BTBD9: variants seen among roughly 807,000 people sequenced by gnomAD.
BTBD9 encodes BTB/POZ domain-containing protein 9.
Under a neutral mutation model 64.3 loss-of-function variants are expected in BTBD9, and 49 were observed. The ratio of observed to expected loss-of-function variants is 0.76; its 90% CI spans 0.61 to 0.97. The LOEUF is 0.97. Among genes scored for constraint, BTBD9 ranks in the 50% least tolerant of loss-of-function variants. The pLI is 0.00. For missense variants in BTBD9, 598 were observed against 762.1 expected (o/e 0.78, Z 2.53); for synonymous variants, 260 against 274.7 (o/e 0.95, Z 0.53).
At chr6:38,259,955 A>G (rs1764734402) in intron 8 of BTBD9, among the ~76,000 whole-genome samples, 1 of 152,194 alleles carries the variant, frequency 6.6e-6, no homozygotes, top group Admixed American at 6.5e-5. Context: ...ATTTTCTTAT[A>G]AGAACGTGAA....
At chr6:38,410,497 T>C (rs1295890343) in intron 6 of BTBD9, among the ~76,000 whole-genome samples, 1 of 152,020 alleles carries the variant, frequency 6.6e-6, no homozygotes, top group Non-Finnish European at 1.5e-5. Context: ...AAAAAAAGAA[T>C]AAAAAATAAT....
At chr6:38,288,186 G>T in intron 8 of BTBD9, 86 bp downstream of exon 8, 2 of 1,340,064 alleles carry the variant, frequency 1.5e-6, no homozygotes, top group Non-Finnish European at 1.0e-6. Context: ...CTTCACTGAA[G>T]TTATTAGGAT....
Position 38,616,937 on chromosome 6 carries a change from C to A in BTBD9, c.-27-18816G>T, listed in dbSNP as rs541783164. ...GAGACCAGGAACCCACCAGCAGGAA[C>A]AAACTCCGGACACATCTTGGGGACT... On this transcript the variant is annotated intron_variant, in intron 1 of 10. Transcript: ENST00000481247. Among the ~76,000 whole-genome samples the A allele has an allele frequency of 3.9e-5, 6 of 152,288 alleles. No homozygotes were observed. In the South Asian group the frequency reaches 1.0e-3, roughly 26 times the overall value.
At chr6:38,607,397 G>A (rs1456968181) in intron 1 of BTBD9, among the ~76,000 whole-genome samples, 2 of 152,130 alleles carry the variant, frequency 1.3e-5, no homozygotes, top group Non-Finnish European at 2.9e-5. Context: ...CATATGTGGA[G>A]CTTTGCAATG....
At chr6:38,289,261 C>T (rs868241867) in intron 7 of BTBD9, among the ~76,000 whole-genome samples, 2 of 152,054 alleles carry the variant, frequency 1.3e-5, no homozygotes, top group South Asian at 4.1e-4. Flanking sequence ...GTGGTCCCAG[C>T]GACTCGGCCT....
chr6:38,600,411 A>G (rs1052719794), intron 1 of BTBD9, among the ~76,000 whole-genome samples: 1 of 152,220 alleles, frequency 6.6e-6, no homozygotes, highest in Non-Finnish European at 1.5e-5. Context: ...GCAAAGGATC[A>G]GACTGGGAGT....
At chr6:38,459,255 G>A (rs998071076) in intron 6 of BTBD9, among the ~76,000 whole-genome samples, 3 of 152,138 alleles carry the variant, frequency 2.0e-5, no homozygotes, top group Admixed American at 1.3e-4. Flanking sequence ...CTGACCTCAG[G>A]TGATCCCCAG....
chr6:38,507,831 T>A (rs1444553034), intron 6 of BTBD9, among the ~76,000 whole-genome samples: 1 of 145,852 alleles, frequency 6.9e-6, no homozygotes, highest in Non-Finnish European at 1.5e-5. Flanking sequence ...CTCCCAAATT[T>A]TTTTTTTTTT....
chr6:38,439,049 A>G (rs1258701392), intron 6 of BTBD9, among the ~76,000 whole-genome samples: 2 of 151,698 alleles, frequency 1.3e-5, no homozygotes, highest in Non-Finnish European at 2.9e-5. Context: ...ATAGTAAGAC[A>G]GTCCAAGAGA....
intron 1 of BTBD9, among the ~76,000 whole-genome samples, chr6:38,625,077 CTA>C: frequency 6.6e-6 from 1 of 152,206 alleles, no homozygotes; most frequent in South Asian, 2.1e-4. Context: ...GTACATGACA[CTA>C]TTTCTTGAAA....
intron 6 of BTBD9, among the ~76,000 whole-genome samples, chr6:38,345,526 A>C (rs1008650890): frequency 1.3e-5 from 2 of 152,284 alleles, no homozygotes; most frequent in African/African-American, 2.4e-5. Flanking sequence ...AATCCACTGC[A>C]GATGAACACA....
In BTBD9 at chr6:38,563,973, G is replaced by A. The variant is rs541484824; in HGVS notation, c.1154+13627C>T. 2.8e-4 allele frequency among the ~76,000 whole-genome samples: 43 copies of A among 151,652 alleles called. No homozygotes were observed. The East Asian group carries it at 7.4e-3, about 26-fold the overall frequency. The stretch of plus-strand genomic sequence containing the variant: ...ACTTTTTTGTATTTTTAGTAGAGAC[G>A]GGGTTTCACCGTGTTAGCCAGGATG... On this transcript the variant is annotated intron_variant, in intron 6 of 10. Transcript: ENST00000481247.
rs551913657 is a variant in BTBD9 at position 38,279,135 on chromosome 6, A to T, written c.1454+9137T>A. The stretch of plus-strand genomic sequence containing the variant: ...TCCTAGAAGAAGAATGCAGAAATGG[A>T]GGTAGACAGAGAGGAGAGGCAAGAA... On this transcript the variant is annotated intron_variant, in intron 8 of 10. Transcript: ENST00000481247. 1.0e-4 allele frequency among the ~76,000 whole-genome samples: 15 copies of T among 146,098 alleles called. No homozygotes were observed. In the South Asian group the frequency reaches 2.4e-3, roughly 23 times the overall value.
At chr6:38,461,035 C>T (rs1770061447) in intron 6 of BTBD9, among the ~76,000 whole-genome samples, 1 of 152,242 alleles carries the variant, frequency 6.6e-6, no homozygotes, top group South Asian at 2.1e-4. Flanking sequence ...AATTGCCTCC[C>T]TGGTTCTAAC....
intron 7 of BTBD9, among the ~76,000 whole-genome samples, chr6:38,294,747 C>T (rs1762096617): frequency 6.6e-6 from 1 of 151,834 alleles, no homozygotes; most frequent in Non-Finnish European, 1.5e-5. Context: ...CATGTGTATA[C>T]CTATGTAACA....
At chr6:38,603,602 T>G (rs1368396293) in intron 1 of BTBD9, among the ~76,000 whole-genome samples, 1 of 152,214 alleles carries the variant, frequency 6.6e-6, no homozygotes, top group Non-Finnish European at 1.5e-5. Flanking sequence ...GCTAACTACA[T>G]TTTTTAGAAT....
Position 38,374,290 on chromosome 6 carries a change from T to TATATATACATAC in BTBD9, c.1155-29198_1155-29197insGTATGTATATAT, listed in dbSNP as rs1344883215. Among the ~76,000 whole-genome samples the TATATATACATAC allele has an allele frequency of 2.8e-5, 2 of 72,318 alleles. 1 individual carries two copies. The highest frequency in any genetic ancestry group is 4.5e-5 in the Non-Finnish European group (2 of 44,688). The allele number at this position is 72,318 out of a possible 152,430, so 47.4% of individuals were successfully genotyped here. A position where few individuals can be genotyped will look rare whatever the true frequency, so the allele number is the denominator to read the frequency against. On this transcript the variant is annotated intron_variant, in intron 6 of 10. Transcript: ENST00000481247. ...TGTCGAAAAAAAAAAAAAGTATATA[T>TATATATACATAC]ATATATGTATATATATGTATATATA... is the stretch of plus-strand genomic sequence containing the variant.
chr6:38,362,137 T>G (rs1327429678), intron 6 of BTBD9, among the ~76,000 whole-genome samples: 2 of 152,188 alleles, frequency 1.3e-5, no homozygotes, highest in East Asian at 3.8e-4. Flanking sequence ...CTCTCCTTAC[T>G]CCCATAGTGA....
chr6:38,435,599 C>CT (rs1253478595), intron 6 of BTBD9, among the ~76,000 whole-genome samples: 7 of 19,660 alleles, frequency 3.6e-4, no homozygotes, highest in African/African-American at 1.4e-3. Context: ...TTTCTTTTCC[C>CT]TCCCTTCCTT....
Sources: gnomAD v4.1 joint callset for allele counts (sites outside exome capture counted in the v4.1 genomes callset) on GRCh38, gnomAD v4.1.1 for gene constraint, MANE v1.5 for transcripts, NCBI Gene and HGNC (gene_info 2026-07-23, HGNC 2026-07-21) for gene names.